ATRNL1: variants seen among roughly 807,000 people sequenced by gnomAD.
ATRNL1 encodes the protein attractin like 1, also known as attractin-like protein 1.
In ATRNL1, 95 loss-of-function variants were observed where a neutral mutation model predicts 182.7. The ratio of observed to expected loss-of-function variants is 0.52; its 90% CI spans 0.44 to 0.62. The LOEUF is 0.62. Among genes scored for constraint, ATRNL1 ranks in the 20% least tolerant of loss-of-function variants. The probability of loss-of-function intolerance (pLI) is 0.00; values close to 1 mark genes in which losing one functional copy is unlikely to be tolerated. For missense variants in ATRNL1, 1,471 were observed against 1,679.5 expected, an observed-to-expected ratio of 0.88 and a Z score of 2.17; for synonymous variants, 576 against 568.3, an observed-to-expected ratio of 1.01 and a Z score of -0.19.
At chr10:115,476,419 TA>T (rs1293669447) in intron 24 of ATRNL1, among the ~76,000 whole-genome samples, 2 of 151,406 alleles carry the variant, frequency 1.3e-5, no homozygotes, top group African/African-American at 4.8e-5. Flanking sequence ...ATTTGATTCT[TA>T]TTCAATGTCT....
chr10:115,144,687 AT>A (rs1554878934), intron 5 of ATRNL1, among the ~76,000 whole-genome samples: 1 of 152,198 alleles, frequency 6.6e-6, no homozygotes, highest in African/African-American at 2.4e-5. Flanking sequence ...GGGAAAGTCA[AT>A]TAACTATCTG....
chr10:115,602,356 A>T (rs1172738653), intron 26 of ATRNL1, among the ~76,000 whole-genome samples: 1 of 152,188 alleles, frequency 6.6e-6, no homozygotes, highest in Non-Finnish European at 1.5e-5. Context: ...TCAGTCTCAA[A>T]TAAGTAAATA....
chr10:115,764,822 G>A (rs1469305024), intron 27 of ATRNL1, among the ~76,000 whole-genome samples: 5 of 151,978 alleles, frequency 3.3e-5, no homozygotes, highest in African/African-American at 1.2e-4. Context: ...ACAAGTGCCT[G>A]CCACCACACC....
chr10:115,637,406 TTAAAAA>T (rs1224293104), intron 26 of ATRNL1, among the ~76,000 whole-genome samples: 2 of 151,934 alleles, frequency 1.3e-5, no homozygotes, highest in African/African-American at 4.8e-5. Flanking sequence ...TAAAAAAACT[TTAAAAA>T]GTAAAACCAA....
intron 25 of ATRNL1, among the ~76,000 whole-genome samples, chr10:115,545,670 C>A (rs1452060889): frequency 6.6e-6 from 1 of 152,150 alleles, no homozygotes; most frequent in Non-Finnish European, 1.5e-5. Context: ...TTATGTAACT[C>A]TTAAGGAAGA....
intron 19 of ATRNL1, among the ~76,000 whole-genome samples, chr10:115,370,102 G>T (rs973308357): frequency 1.3e-5 from 2 of 152,150 alleles, no homozygotes; most frequent in African/African-American, 4.8e-5. Context: ...CTTTTATCTT[G>T]TCTGCCACCA....
At chr10:115,132,632 G>A (rs1424836279) in intron 5 of ATRNL1, among the ~76,000 whole-genome samples, 2 of 152,158 alleles carry the variant, frequency 1.3e-5, no homozygotes, top group East Asian at 1.9e-4. Flanking sequence ...TCTAACTGGT[G>A]TGAGATGGTA....
At chr10:115,608,880 G>GA (rs1171184422) in intron 26 of ATRNL1, among the ~76,000 whole-genome samples, 32 of 147,236 alleles carry the variant, frequency 2.2e-4, no homozygotes, top group East Asian at 3.9e-4. Flanking sequence ...AGACAAAATT[G>GA]AAAAAAAAAA....
At chr10:115,389,769 A>T (rs1192472323) in intron 19 of ATRNL1, among the ~76,000 whole-genome samples, 1 of 150,990 alleles carries the variant, frequency 6.6e-6, no homozygotes, top group Non-Finnish European at 1.5e-5. Flanking sequence ...TTCAGATGAC[A>T]CTCCAAACTC....
intron 8 of ATRNL1, among the ~76,000 whole-genome samples, chr10:115,208,852 C>CT (rs1379690701): frequency 6.6e-6 from 1 of 151,780 alleles, no homozygotes; most frequent in African/African-American, 2.4e-5. Flanking sequence ...TATTATTATA[C>CT]TTTAAGTTCT....
intron 9 of ATRNL1, among the ~76,000 whole-genome samples, chr10:115,220,098 A>G (rs562772094): frequency 8.5e-5 from 13 of 152,236 alleles, no homozygotes; most frequent in South Asian, 4.1e-4. Flanking sequence ...TATTTCATCA[A>G]TTCCTCTAGT....
chr10:115,157,215 T>A (rs1484128876), intron 5 of ATRNL1, among the ~76,000 whole-genome samples: 2 of 152,126 alleles, frequency 1.3e-5, no homozygotes, highest in Non-Finnish European at 2.9e-5. Flanking sequence ...ATGTGTATAA[T>A]TGTTCAGTAT....
At chr10:115,902,232 C>G (rs1952376565) in intron 28 of ATRNL1, among the ~76,000 whole-genome samples, 1 of 152,168 alleles carries the variant, frequency 6.6e-6, no homozygotes, top group African/African-American at 2.4e-5. Context: ...GCTCTGCAGA[C>G]ACACTTAGTA....
At chr10:115,620,195 C>T (rs1425425302) in intron 26 of ATRNL1, among the ~76,000 whole-genome samples, 1 of 152,126 alleles carries the variant, frequency 6.6e-6, no homozygotes, top group African/African-American at 2.4e-5. Flanking sequence ...AAAGGGGAAG[C>T]ATGCCTGTCA....
chr10:115,394,751 T>C lies in ATRNL1; in HGVS notation c.3268T>C (p.Leu1090=), dbSNP rs1844202613. Residue 1090 remains leucine, a splice_region_variant and synonymous_variant, in exon 20 of 29, where the codon TTA becomes CTA. Coordinates refer to ENST00000355044, the MANE Select transcript of ATRNL1 (RefSeq NM_207303.4). ...TKGIKGDQCQ[L]CDSENRYVGN... is the part of the protein sequence containing the mutation. Reference sequence around the variant, plus strand: ...AGGAATAAAAGGTGACCAATGCCAATTGTAAGTAAGAATGACTTTTTAGAA... The same window carrying C: ...AGGAATAAAAGGTGACCAATGCCAACTGTAAGTAAGAATGACTTTTTAGAA... The C allele has an allele frequency of 3.8e-6, 6 of 1,588,834 alleles. No homozygotes were observed. Among genetic ancestry groups the C allele is most frequent in the South Asian group, 1.1e-5 (1 of 87,588 alleles).
chr10:115,106,653 A>G lies in ATRNL1; in HGVS notation c.293+12610A>G, dbSNP rs180789618. Among the ~76,000 whole-genome samples, 5 of 152,222 alleles carry G rather than the reference A, an allele frequency of 3.3e-5. No individual in the cohort carries two copies. In the East Asian group the frequency reaches 5.8e-4, roughly 18 times the overall value. ...TCGTGATAGTGAGTAAGTCTCAACA[A>G]TATCTGCTGGGTTTATCAGGTGTTT... On this transcript the variant is annotated intron_variant, in intron 1 of 28. Coordinates refer to ENST00000355044, the MANE Select transcript of ATRNL1 (RefSeq NM_207303.4).
intron 10 of ATRNL1, among the ~76,000 whole-genome samples, chr10:115,248,577 T>A (rs1850741447): frequency 6.6e-6 from 1 of 152,144 alleles, no homozygotes. Flanking sequence ...GTTAAGACAC[T>A]ATAAAATAAT....
chr10:115,757,588 A>C (rs1948623661), intron 27 of ATRNL1, among the ~76,000 whole-genome samples: 1 of 152,142 alleles, frequency 6.6e-6, no homozygotes, highest in African/African-American at 2.4e-5. Context: ...GGCTGCCCTT[A>C]ACATTTTTTC....
At chr10:115,455,442 A>G (rs1305115909) in intron 21 of ATRNL1, among the ~76,000 whole-genome samples, 3 of 152,156 alleles carry the variant, frequency 2.0e-5, no homozygotes, top group Non-Finnish European at 4.4e-5. Flanking sequence ...TATGCAGAAA[A>G]CTGAAACTGG....
Sources: allele counts gnomAD v4.1 joint callset (sites outside exome capture counted in the v4.1 genomes callset), GRCh38; gene constraint gnomAD v4.1.1; transcripts MANE v1.5; gene names NCBI Gene and HGNC (gene_info 2026-07-23, HGNC 2026-07-21).